MAML3: variants seen among roughly 807,000 people sequenced by gnomAD.
MAML3 encodes mastermind-like protein 3.
A neutral mutation model predicts 101.9 loss-of-function variants in MAML3; 27 were observed. That is an observed-to-expected ratio of 0.27 (90% CI 0.20 to 0.37). The LOEUF (loss-of-function observed/expected upper bound fraction) is 0.37, where lower values mean the gene tolerates loss of function less well. Ranked by LOEUF, MAML3 falls within the 10% of genes least tolerant of loss-of-function variation. MAML3 has a pLI of 1.00. For synonymous variants in MAML3, 501 were observed against 555.9 expected, an observed-to-expected ratio of 0.90 and a Z score of 1.39; for missense variants, 1,316 against 1,444.9, an observed-to-expected ratio of 0.91 and a Z score of 1.45.
chr4:140,150,975 C>A (rs942106634), intron 1 of MAML3, among the ~76,000 whole-genome samples: 1 of 151,688 alleles, frequency 6.6e-6, no homozygotes, highest in Non-Finnish European at 1.5e-5. Context: ...GCAGGCTCAG[C>A]CGCAGGGGGA....
At chr4:140,114,269 A>T (rs1200848426) in intron 1 of MAML3, among the ~76,000 whole-genome samples, 1 of 152,198 alleles carries the variant, frequency 6.6e-6, no homozygotes, top group Non-Finnish European at 1.5e-5. Context: ...CTGTGGAATG[A>T]TGTGGAGAAA....
rs184664370 is a variant in MAML3 at position 139,812,374 on chromosome 4, G to A, written c.2079+76983C>T. Among the ~76,000 whole-genome samples, 3 of 152,270 alleles carry A rather than the reference G, an allele frequency of 2.0e-5. No individual in the cohort carries two copies. In the East Asian group the frequency reaches 5.8e-4, roughly 30 times the overall value. On this transcript the variant is annotated intron_variant, in intron 2 of 4. Coordinates refer to ENST00000509479, the MANE Select transcript of MAML3 (RefSeq NM_018717.5). The stretch of plus-strand genomic sequence containing the variant: ...CTGTATTAGAAGTCGTAGACCCTGA[G>A]ACCTTCTCCCTCATCCCTCATTCCG...
At chr4:139,836,755 C>G (rs1250641325) in intron 2 of MAML3, among the ~76,000 whole-genome samples, 1 of 152,220 alleles carries the variant, frequency 6.6e-6, no homozygotes. Flanking sequence ...TTCACACTTA[C>G]TAAGTTGCTA....
chr4:139,899,139 A>T (rs2111209566), intron 1 of MAML3, among the ~76,000 whole-genome samples: 1 of 152,310 alleles, frequency 6.6e-6, no homozygotes, highest in South Asian at 2.1e-4. Flanking sequence ...CCCAGGTTTT[A>T]GAAATTCTGA....
chr4:139,770,695 T>G lies in MAML3; in HGVS notation c.2080-40028A>C, dbSNP rs537040654. On this transcript the variant is annotated intron_variant, in intron 2 of 4. Transcript: ENST00000509479. ...AAGCCAGCCAACTGCTGATCTCTTT[T>G]TAGAATTAGCTCAGTAGCCCTCAGC... is the stretch of plus-strand genomic sequence containing the variant. Among the ~76,000 whole-genome samples the G allele has an allele frequency of 2.6e-5, 4 of 152,320 alleles. No individual in the cohort carries two copies. The South Asian group carries it at 8.3e-4, about 32-fold the overall frequency.
intron 1 of MAML3, among the ~76,000 whole-genome samples, chr4:139,934,303 G>C (rs907941709): frequency 6.6e-6 from 1 of 152,062 alleles, no homozygotes; most frequent in African/African-American, 2.4e-5. Context: ...GCGACTATGG[G>C]TGTGTGTGCG....
At chr4:140,086,835 A>C (rs761695226) in intron 1 of MAML3, among the ~76,000 whole-genome samples, 1 of 152,248 alleles carries the variant, frequency 6.6e-6, no homozygotes, top group African/African-American at 2.4e-5. Context: ...TCTTTCTTTT[A>C]AGCTATGTCC....
chr4:140,099,554 A>G (rs1728219700), intron 1 of MAML3, among the ~76,000 whole-genome samples: 1 of 152,154 alleles, frequency 6.6e-6, no homozygotes, highest in African/African-American at 2.4e-5. Context: ...TTCATGGGAA[A>G]TCATAGACAG....
At chr4:140,093,495 C>A (rs1396802956) in intron 1 of MAML3, among the ~76,000 whole-genome samples, 1 of 150,640 alleles carries the variant, frequency 6.6e-6, no homozygotes, top group East Asian at 2.0e-4. Context: ...CGGCTCACTG[C>A]AATCTCTGCC....
intron 1 of MAML3, among the ~76,000 whole-genome samples, chr4:140,078,820 A>C (rs766887448): frequency 6.6e-5 from 10 of 152,102 alleles, no homozygotes; most frequent in Non-Finnish European, 1.5e-4. Flanking sequence ...GCTCAGCACA[A>C]ACTCCCAGGG....
chr4:140,125,925 C>T (rs1421974076), intron 1 of MAML3, among the ~76,000 whole-genome samples: 5 of 151,896 alleles, frequency 3.3e-5, no homozygotes, highest in African/African-American at 4.8e-5. Flanking sequence ...ATTACAGGCA[C>T]GTGCCACCAC....
intron 2 of MAML3, among the ~76,000 whole-genome samples, chr4:139,867,629 C>T (rs1024137200): frequency 2.0e-5 from 3 of 152,130 alleles, no homozygotes; most frequent in South Asian, 2.1e-4. Flanking sequence ...TCTGTTGATT[C>T]CAAATTTGGA....
intron 2 of MAML3, among the ~76,000 whole-genome samples, chr4:139,745,208 T>C (rs1228440203): frequency 1.3e-5 from 2 of 152,138 alleles, no homozygotes; most frequent in Non-Finnish European, 2.9e-5. Flanking sequence ...TGCTGGGATG[T>C]GTGAGAGGAA....
At position 139,785,682 on chromosome 4, in the gene MAML3, TCCTGTG is replaced by T. The variant is rs1730294057; in HGVS notation, c.2080-55021_2080-55016del. ...CATATCTCTGCACTAATTTTTTTTT[TCCTGTG>T]ATAAAACAGATTTCCTGAATTTAAA... On this transcript the variant is annotated intron_variant, in intron 2 of 4. Transcript: ENST00000509479. This position sits in a 1 kb window ranked among gnomAD's most constrained non-coding sequence, Gnocchi z 4.3. 6.6e-6 allele frequency among the ~76,000 whole-genome samples: 1 copy of T among 152,128 alleles called. No individual in the cohort carries two copies. The highest frequency in any genetic ancestry group is 2.1e-4 in the South Asian group (1 of 4,826).
chr4:139,931,847 TAAAA>T (rs558806703), intron 1 of MAML3, among the ~76,000 whole-genome samples: 1 of 135,096 alleles, frequency 7.4e-6, no homozygotes, highest in Non-Finnish European at 1.6e-5. Flanking sequence ...CCGTCTCTAC[TAAAA>T]AAAAAAAAAA....
chr4:140,111,474 C>T (rs939774776), intron 1 of MAML3, among the ~76,000 whole-genome samples: 4 of 152,304 alleles, frequency 2.6e-5, no homozygotes, highest in Admixed American at 6.5e-5. Flanking sequence ...TAGAACATTC[C>T]AATCAATCCT....
At chr4:140,042,589 A>G (rs1727104337) in intron 1 of MAML3, among the ~76,000 whole-genome samples, 2 of 152,044 alleles carry the variant, frequency 1.3e-5, no homozygotes, top group African/African-American at 4.8e-5. Context: ...AGCTGAGATC[A>G]CGCCACTGCA....
At chr4:139,764,607 G>A (rs551401640) in intron 2 of MAML3, among the ~76,000 whole-genome samples, 6 of 152,148 alleles carry the variant, frequency 3.9e-5, no homozygotes, top group African/African-American at 4.8e-5. Flanking sequence ...TAATGCATGC[G>A]AGAGCACTTT....
At position 139,889,622 on chromosome 4, in the gene MAML3, A is replaced by G. The variant is rs1191529960; in HGVS notation, c.1814T>C (p.Leu605Pro). 3 of 1,613,830 alleles carry G rather than the reference A, an allele frequency of 1.9e-6. No individual in the cohort carries two copies. Among genetic ancestry groups the G allele is most frequent in the Admixed American group, 1.7e-5 (1 of 59,998 alleles). Residue 605 changes from leucine (L) to proline (P), a missense_variant, in exon 2 of 5, where the codon CTG becomes CCG. By Grantham distance (98) the Leu-to-Pro change is moderately conservative (BLOSUM62 -3). Coordinates refer to ENST00000509479, the MANE Select transcript of MAML3 (RefSeq NM_018717.5). ...NILTYGNTKPLTHFNADLSQR... is the reference protein window; with the variant it reads ...NILTYGNTKPPTHFNADLSQR... The stretch of plus-strand genomic sequence containing the variant: ...ACTCAGGTCTGCATTGAAGTGGGTC[A>G]GGGGTTTAGTGTTGCCATAAGTCAG...
Sources: allele counts gnomAD v4.1 joint callset (sites outside exome capture counted in the v4.1 genomes callset), GRCh38; gene constraint gnomAD v4.1.1; non-coding constraint Gnocchi (gnomAD v3.1); transcripts MANE v1.5; gene names NCBI Gene and HGNC (gene_info 2026-07-23, HGNC 2026-07-21).